The following FAM185A variants were observed in gnomAD, a reference collection of about 807,000 sequenced individuals.
The protein encoded by FAM185A is family with sequence similarity 185 member A, also known as protein FAM185A.
FAM185A carries 21 observed loss-of-function variants against 45.7 expected under a neutral mutation model. That is an observed-to-expected ratio of 0.46 (90% CI 0.33 to 0.66). The LOEUF is 0.66. FAM185A is among the 30% of genes least tolerant of loss of function. The pLI, the probability that FAM185A is intolerant of heterozygous loss-of-function variation, is 0.03. For missense variants in FAM185A, 305 were observed against 485.4 expected (o/e 0.63, Z 3.49); for synonymous variants, 117 against 194.0 (o/e 0.60, Z 3.30).
the FAM185A span, among the ~76,000 whole-genome samples, chr7:102,836,560 C>A: frequency 2.6e-5 from 4 of 152,186 alleles, no homozygotes; most frequent in Non-Finnish European, 5.9e-5. Context: ...AAGTCAAAAT[C>A]TTTTACAGTA....
intron 7 of FAM185A, among the ~76,000 whole-genome samples, chr7:102,799,682 A>G (rs567946092): frequency 6.6e-6 from 1 of 152,348 alleles, no homozygotes; most frequent in East Asian, 1.9e-4. Flanking sequence ...CAGCGTAATA[A>G]GACTACGTAT....
the FAM185A span, among the ~76,000 whole-genome samples, chr7:102,839,689 G>C: frequency 6.6e-6 from 1 of 152,064 alleles, no homozygotes; most frequent in Non-Finnish European, 1.5e-5. Flanking sequence ...TCAGGGATCC[G>C]CCTGCCTCAG....
At chr7:102,823,149 C>T in the FAM185A span, among the ~76,000 whole-genome samples, 1 of 152,084 alleles carries the variant, frequency 6.6e-6, no homozygotes, top group South Asian at 2.1e-4. Flanking sequence ...TGGAAAACTT[C>T]ATCAAAATTT....
chr7:102,785,561 C>G (rs1221724200), intron 6 of FAM185A, among the ~76,000 whole-genome samples: 12 of 150,930 alleles, frequency 8.0e-5, no homozygotes, highest in South Asian at 2.1e-4. Context: ...ACAAACCTGA[C>G]AAAAACAAGC....
chr7:102,843,437 T>TCAAAAA, the FAM185A span, among the ~76,000 whole-genome samples: 1 of 151,024 alleles, frequency 6.6e-6, no homozygotes, highest in Non-Finnish European at 1.5e-5. Context: ...AAACTCCATC[T>TCAAAAA]CAAAAACAAA....
chr7:102,770,581 A>G (rs1421671463), intron 4 of FAM185A, among the ~76,000 whole-genome samples: 3 of 152,144 alleles, frequency 2.0e-5, no homozygotes, highest in African/African-American at 7.2e-5. Flanking sequence ...AAGACGTACA[A>G]GAAACCAACA....
intron 4 of FAM185A, among the ~76,000 whole-genome samples, chr7:102,766,015 T>C (rs1794369107): frequency 6.6e-6 from 1 of 152,178 alleles, no homozygotes; most frequent in African/African-American, 2.4e-5. Flanking sequence ...GCATGTATAA[T>C]ACATGCATAT....
At chr7:102,757,347 C>T (rs2129433025) in intron 2 of FAM185A, among the ~76,000 whole-genome samples, 1 of 152,232 alleles carries the variant, frequency 6.6e-6, no homozygotes, top group South Asian at 2.1e-4. Flanking sequence ...AGTGATTTAC[C>T]TTTCTGAATC....
chr7:102,755,831 T>C (rs2129432583), intron 2 of FAM185A: 6 of 668,598 alleles, frequency 9.0e-6, no homozygotes, highest in Admixed American at 8.4e-5. Flanking sequence ...CCAGATACGA[T>C]GAGACCCACT....
Position 102,783,366 on chromosome 7 carries a change from C to T in FAM185A, c.932-3969C>T, listed in dbSNP as rs559584762. Among the ~76,000 whole-genome samples, 819 of 152,130 alleles carry T rather than the reference C, an allele frequency of 5.4e-3. 4 individuals carry two copies. The highest frequency in any genetic ancestry group is 0.018 in the African/African-American group (752 of 41,506). ...ATATACATTCTTCTCAGCACCACAC[C>T]GCACTTATTCCAAAATTGACCACTT... On this transcript the variant is annotated intron_variant, in intron 6 of 7. Coordinates refer to ENST00000413034, the MANE Select transcript of FAM185A (RefSeq NM_001145268.2).
chr7:102,808,240 T>C, intron 7 of FAM185A, 50 bp from the exon 8 acceptor site: 2 of 1,156,066 alleles, frequency 1.7e-6, no homozygotes, highest in South Asian at 2.6e-5. Context: ...CTAGGATCTA[T>C]GTGGTCAATT....
At chr7:102,821,989 T>C in the FAM185A span, 1 of 1,574,884 alleles carries the variant, frequency 6.3e-7, no homozygotes, top group Non-Finnish European at 8.7e-7. Context: ...TATACTATGT[T>C]TTCTCAGAAA....
At chr7:102,780,258 T>C (rs1250902836) in intron 6 of FAM185A, among the ~76,000 whole-genome samples, 5 of 152,092 alleles carry the variant, frequency 3.3e-5, no homozygotes, top group African/African-American at 7.2e-5. Context: ...TAATGCATTA[T>C]GGCAGGGGCC....
the FAM185A span, among the ~76,000 whole-genome samples, chr7:102,836,554 CA>C: frequency 5.7e-4 from 87 of 152,266 alleles, no homozygotes; most frequent in African/African-American, 2.0e-3. Context: ...TCTTCCAAGT[CA>C]AAATCTTTTA....
intron 3 of FAM185A, among the ~76,000 whole-genome samples, chr7:102,758,835 C>T (rs904254064): frequency 6.8e-6 from 1 of 147,718 alleles, no homozygotes; most frequent in Non-Finnish European, 1.5e-5. Flanking sequence ...CACCTTCCTA[C>T]AAATTTGCTA....
At position 102,749,251 on chromosome 7, in the gene FAM185A, T is replaced by C; in HGVS notation, c.44T>C (p.Leu15Pro). ...GGTTGGGAGCTTGGCTGCTTCCGTC[T>C]CTGTCTCCGTCAGGTCCGACTGTGG... ...CSGWELGCFRLCLRQVRLWAG... is the reference protein window; with the variant it reads ...CSGWELGCFRPCLRQVRLWAG... The change falls in exon 1 of 8, where the codon CTC (leucine) becomes CCC (proline). Residue 15 changes from leucine (L) to proline (P), a missense_variant. Leu to Pro is a moderately conservative substitution (Grantham distance 98, BLOSUM62 -3). Around this residue, in one of 5 missense-constraint regions of FAM185A, gnomAD observed 174 missense variants for 247.1 expected, o/e 0.70. Coordinates refer to ENST00000413034, the MANE Select transcript of FAM185A (RefSeq NM_001145268.2). The C allele has an allele frequency of 6.4e-7, 1 of 1,550,838 alleles. No individual in the cohort carries two copies. The highest frequency in any genetic ancestry group is 8.7e-7 in the Non-Finnish European group (1 of 1,146,832).
chr7:102,752,577 A>AT (rs59425139), intron 2 of FAM185A, among the ~76,000 whole-genome samples: 5,078 of 140,236 alleles, frequency 0.036, 113 homozygotes, highest in African/African-American at 0.074. Context: ...GCTGTAATTA[A>AT]TTTTTTTTTT....
chr7:102,802,938 G>C lies in FAM185A; in HGVS notation c.1067-5352G>C, dbSNP rs1027185313. ...CATATAAACTAGAAAACCTAGAAGA[G>C]ATGGATAAATTCCTGGAAAGATACA... On this transcript the variant is annotated intron_variant, in intron 7 of 7. Coordinates refer to ENST00000413034, the MANE Select transcript of FAM185A (RefSeq NM_001145268.2). Among the ~76,000 whole-genome samples the C allele has an allele frequency of 2.0e-5, 3 of 151,970 alleles. No individual in the cohort carries two copies. The East Asian group carries it at 5.8e-4, about 29-fold the overall frequency.
At chr7:102,822,163 T>C in the FAM185A span, 7 of 1,614,054 alleles carry the variant, frequency 4.3e-6, no homozygotes, top group East Asian at 1.3e-4. Context: ...GTGCAGGTAA[T>C]GGCATTTTGC....
Sources: gnomAD v4.1 joint callset for allele counts (sites outside exome capture counted in the v4.1 genomes callset) on GRCh38, gnomAD v4.1.1 for gene constraint, gnomAD v4.1.1 regional missense constraint, MANE v1.5 for transcripts, NCBI Gene and HGNC (gene_info 2026-07-23, HGNC 2026-07-21) for gene names.